Variants in HEMK2 observed in about 807,000 individuals in gnomAD.
The protein encoded by HEMK2 is methyltransferase HEMK2.
chr21:28,781,243 A>G, the HEMK2 span, among the ~76,000 whole-genome samples: 1 of 152,206 alleles, frequency 6.6e-6, no homozygotes, highest in Admixed American at 6.5e-5. Context: ...ATTACCTATC[A>G]ACTCAAAGTA....
chr21:28,763,743 T>C, the HEMK2 span, among the ~76,000 whole-genome samples: 1 of 152,148 alleles, frequency 6.6e-6, no homozygotes. Flanking sequence ...CTGATGACTA[T>C]GACCATGTTC....
At chr21:28,759,461 A>G in the HEMK2 span, among the ~76,000 whole-genome samples, 1 of 152,146 alleles carries the variant, frequency 6.6e-6, no homozygotes, top group African/African-American at 2.4e-5. Context: ...GGCAGAAGGG[A>G]CTTGCCTTGT....
At chr21:28,658,657 C>G in the HEMK2 span, among the ~76,000 whole-genome samples, 1 of 152,042 alleles carries the variant, frequency 6.6e-6, no homozygotes, top group Non-Finnish European at 1.5e-5. Context: ...GTCATATTTA[C>G]CAATCTCATA....
chr21:28,714,113 C>T, the HEMK2 span, among the ~76,000 whole-genome samples: 11 of 152,148 alleles, frequency 7.2e-5, no homozygotes, highest in Admixed American at 7.2e-4. Context: ...TTTTCTATTT[C>T]TCAACATTTT....
the HEMK2 span, among the ~76,000 whole-genome samples, chr21:28,640,003 G>C: frequency 6.6e-6 from 1 of 152,144 alleles, no homozygotes; most frequent in African/African-American, 2.4e-5. Flanking sequence ...TAATCCTGGA[G>C]ACAAGGTCCT....
At chr21:28,692,014 G>A in the HEMK2 span, among the ~76,000 whole-genome samples, 6 of 152,136 alleles carry the variant, frequency 3.9e-5, no homozygotes, top group African/African-American at 7.2e-5. Context: ...TGGAACAAAT[G>A]TTCTACTCTT....
At chr21:28,781,847 A>T in the HEMK2 span, among the ~76,000 whole-genome samples, 1 of 152,204 alleles carries the variant, frequency 6.6e-6, no homozygotes, top group South Asian at 2.1e-4. Flanking sequence ...GACATAATGG[A>T]ATTATTTGCA....
At chr21:28,819,467 T>C in the HEMK2 span, among the ~76,000 whole-genome samples, 17 of 152,130 alleles carry the variant, frequency 1.1e-4, no homozygotes, top group African/African-American at 3.6e-4. Flanking sequence ...GGGCAATCTT[T>C]TGGCTTACTG....
chr21:28,681,028 C>T, the HEMK2 span, among the ~76,000 whole-genome samples: 2 of 152,158 alleles, frequency 1.3e-5, no homozygotes, highest in Non-Finnish European at 2.9e-5. Flanking sequence ...TCCTATTCAA[C>T]ATAGTGTTGG....
the HEMK2 span, among the ~76,000 whole-genome samples, chr21:28,742,829 A>C: frequency 1.3e-5 from 2 of 152,100 alleles, no homozygotes; most frequent in Non-Finnish European, 2.9e-5. Context: ...ATATCTATTT[A>C]TTGAGGGAGA....
chr21:28,606,136 T>G, the HEMK2 span, among the ~76,000 whole-genome samples: 1 of 152,192 alleles, frequency 6.6e-6, no homozygotes, highest in Admixed American at 6.5e-5. Flanking sequence ...AGACAAATTT[T>G]GAGTTGTAAC....
the HEMK2 span, among the ~76,000 whole-genome samples, chr21:28,862,433 A>T: frequency 8.1e-6 from 1 of 123,200 alleles, no homozygotes. Flanking sequence ...AGGTCAGGAG[A>T]TCAAGACCAT....
At chr21:28,657,326 T>A in the HEMK2 span, among the ~76,000 whole-genome samples, 1 of 152,032 alleles carries the variant, frequency 6.6e-6, no homozygotes, top group African/African-American at 2.4e-5. Context: ...AGTTACCTGA[T>A]CAGCTCCTAA....
At chr21:28,689,779 A>G in the HEMK2 span, among the ~76,000 whole-genome samples, 1 of 152,206 alleles carries the variant, frequency 6.6e-6, no homozygotes, top group Non-Finnish European at 1.5e-5. Flanking sequence ...TGAGCCCTTC[A>G]AAGCAGCAGA....
At chr21:28,588,982 C>CAAAAA in the HEMK2 span, among the ~76,000 whole-genome samples, 1,614 of 107,246 alleles carry the variant, frequency 0.015, 57 homozygotes, top group East Asian at 0.098. Context: ...GACACTGTCT[C>CAAAAA]AAAAAAAAAA....
At chr21:28,782,476 A>G in the HEMK2 span, among the ~76,000 whole-genome samples, 27,576 of 152,228 alleles carry the variant, frequency 0.18, 3,105 homozygotes, top group East Asian at 0.4. Flanking sequence ...TTAACTATAA[A>G]TGCATTACTT....
At chr21:28,879,862 T>A in the HEMK2 span, 21 of 1,543,314 alleles carry the variant, frequency 1.4e-5, no homozygotes, top group African/African-American at 1.1e-4. Flanking sequence ...TTTTGTTGTA[T>A]GTTTTACCTC....
the HEMK2 span, among the ~76,000 whole-genome samples, chr21:28,645,056 C>G: frequency 6.6e-5 from 10 of 152,282 alleles, 1 homozygote; most frequent in South Asian, 2.1e-3. Context: ...ACCTCCTTCT[C>G]CTCATCTCAA....
chr21:28,652,718 T>C, the HEMK2 span, among the ~76,000 whole-genome samples: 10 of 151,122 alleles, frequency 6.6e-5, no homozygotes, highest in African/African-American at 2.4e-4. Context: ...TTCATTTGAG[T>C]TGAGGTTTAG....
Sources: gnomAD v4.1 joint callset for allele counts (sites outside exome capture counted in the v4.1 genomes callset) on GRCh38, gnomAD v4.1.1 for gene constraint, MANE v1.5 for transcripts, NCBI Gene and HGNC (gene_info 2026-07-23, HGNC 2026-07-21) for gene names.